Variants in KIAA2012 observed in about 807,000 individuals in gnomAD.
KIAA2012 encodes uncharacterized protein KIAA2012.
In KIAA2012, 125 loss-of-function variants were observed where a neutral mutation model predicts 150.6. That is an observed-to-expected ratio of 0.83 (90% CI 0.72 to 0.96). The LOEUF is 0.96. KIAA2012 is among the 40% of genes least tolerant of loss of function. The pLI is 0.00. For missense variants in KIAA2012, 1,219 were observed against 1,354.9 expected, an observed-to-expected ratio of 0.90 and a Z score of 1.57; for synonymous variants, 462 against 504.7, an observed-to-expected ratio of 0.92 and a Z score of 1.13.
At chr2:202,167,153 AACAG>A (rs1691785127) in intron 15 of KIAA2012, among the ~76,000 whole-genome samples, 1 of 151,790 alleles carries the variant, frequency 6.6e-6, no homozygotes, top group African/African-American at 2.4e-5. Context: ...TAGCCTGGGC[AACAG>A]AGTGAGACTC....
At chr2:202,191,543 T>A (rs1692327660) in intron 19 of KIAA2012, among the ~76,000 whole-genome samples, 1 of 122,744 alleles carries the variant, frequency 8.1e-6, no homozygotes, top group Non-Finnish European at 1.7e-5. Flanking sequence ...AGACTCTATC[T>A]ATCTCTAACC....
chr2:202,097,670 A>G, intron 5 of KIAA2012, 93 bp downstream of exon 5: 1 of 1,368,844 alleles, frequency 7.3e-7, no homozygotes, highest in Non-Finnish European at 9.9e-7. Context: ...GCTCACTGCA[A>G]CCTCCGCCTC....
intron 4 of KIAA2012, among the ~76,000 whole-genome samples, chr2:202,095,178 C>G (rs958132267): frequency 6.6e-6 from 1 of 152,108 alleles, no homozygotes; most frequent in South Asian, 2.1e-4. Context: ...TGCCCAATTG[C>G]CCATGATCAT....
intron 13 of KIAA2012, among the ~76,000 whole-genome samples, chr2:202,151,366 C>A (rs1691423992): frequency 6.6e-6 from 1 of 151,990 alleles, no homozygotes; most frequent in African/African-American, 2.4e-5. Context: ...CACTGCACTC[C>A]AGCCTGGGCA....
intron 2 of KIAA2012, among the ~76,000 whole-genome samples, chr2:202,078,100 T>C (rs968531066): frequency 6.6e-6 from 1 of 152,216 alleles, no homozygotes; most frequent in African/African-American, 2.4e-5. Flanking sequence ...TAATCAGATG[T>C]ATGTTCAAAG....
intron 16 of KIAA2012, among the ~76,000 whole-genome samples, chr2:202,186,174 C>G (rs1692223016): frequency 2.0e-5 from 3 of 152,160 alleles, no homozygotes; most frequent in Non-Finnish European, 4.4e-5. Flanking sequence ...AAAACCAACA[C>G]AGCACATGAC....
At chr2:202,123,538 A>C (rs1408335590) in intron 11 of KIAA2012, among the ~76,000 whole-genome samples, 1 of 152,144 alleles carries the variant, frequency 6.6e-6, no homozygotes, top group African/African-American at 2.4e-5. Context: ...ATCGGTGCGC[A>C]CGTGACCGTG....
chr2:202,123,326 T>G (rs543850883), intron 11 of KIAA2012, among the ~76,000 whole-genome samples: 71 of 152,194 alleles, frequency 4.7e-4, no homozygotes, highest in Non-Finnish European at 5.7e-4. Context: ...AAATTAACAT[T>G]CATTATGCAA....
At chr2:202,135,953 T>C in intron 12 of KIAA2012, 1 of 242,708 alleles carries the variant, frequency 4.1e-6, no homozygotes, top group South Asian at 4.2e-5. Context: ...TGAATGAAAA[T>C]GCTTTCAGGG....
chr2:202,140,247 C>T (rs79058237), intron 13 of KIAA2012, among the ~76,000 whole-genome samples: 13,819 of 152,160 alleles, frequency 0.091, 856 homozygotes, highest in South Asian at 0.24. Flanking sequence ...GAAAGAGGGG[C>T]TCAACCATGT....
At chr2:202,088,919 C>T (rs1689649254) in intron 2 of KIAA2012, among the ~76,000 whole-genome samples, 1 of 152,174 alleles carries the variant, frequency 6.6e-6, no homozygotes, top group Admixed American at 6.5e-5. Flanking sequence ...GGTTCCAGAG[C>T]TCACGCAAGA....
In KIAA2012 at chr2:202,138,507, A is replaced by G. The variant is rs1324707138; in HGVS notation, c.1907A>G (p.Gln636Arg). The G allele has an allele frequency of 4.5e-6, 7 of 1,548,540 alleles. No homozygotes were observed. Among genetic ancestry groups the G allele is most frequent in the Non-Finnish European group, 8.7e-7 (1 of 1,145,314 alleles). ...TSPLTQTTEK[Q>R]GAQQSLEAAA... ...CCGTTGACCCAAACAACAGAGAAGCAGGTATAGTATTGACTCTGAATGAGG... is the reference window on the plus strand; with the variant it reads ...CCGTTGACCCAAACAACAGAGAAGCGGGTATAGTATTGACTCTGAATGAGG... Residue 636 changes from glutamine to arginine, a missense_variant and splice_region_variant, in exon 13 of 24, where the codon CAG (glutamine) becomes CGG (arginine). Transcript: ENST00000498697.
intron 13 of KIAA2012, among the ~76,000 whole-genome samples, chr2:202,154,282 C>G (rs1290596229): frequency 6.6e-6 from 1 of 152,192 alleles, no homozygotes. Context: ...TAAAAAGGAG[C>G]CTTCAACAGA....
At chr2:202,105,620 C>T in intron 8 of KIAA2012, 141 bp from the exon 9 acceptor site, 1 of 1,123,006 alleles carries the variant, frequency 8.9e-7, no homozygotes, top group Non-Finnish European at 1.2e-6. Flanking sequence ...AGTTCCATAG[C>T]CCTCTCTGGA....
chr2:202,099,869 G>A, intron 6 of KIAA2012, 73 bp downstream of exon 6: 2 of 1,289,296 alleles, frequency 1.6e-6, no homozygotes, highest in Non-Finnish European at 1.1e-6. Context: ...GGACACTGAG[G>A]CATGCCAAAC....
chr2:202,188,351 T>G, intron 18 of KIAA2012, 85 bp downstream of exon 18: 6 of 1,046,926 alleles, frequency 5.7e-6, no homozygotes, highest in African/African-American at 1.6e-5. Flanking sequence ...GCATGGATCC[T>G]ACCGGACAAA....
At chr2:202,139,499 G>T (rs1386572538) in intron 13 of KIAA2012, among the ~76,000 whole-genome samples, 2 of 152,100 alleles carry the variant, frequency 1.3e-5, no homozygotes, top group East Asian at 3.9e-4. Flanking sequence ...TCTCCATTCT[G>T]TCCACCTTCC....
chr2:202,201,754 G>T (rs956295222), intron 22 of KIAA2012: 25 of 1,369,556 alleles, frequency 1.8e-5, no homozygotes, highest in Non-Finnish European at 2.5e-5. Context: ...GGATGATAGA[G>T]CTCTGAGTAG....
Position 202,193,408 on chromosome 2 carries a change from A to G in KIAA2012, c.2919A>G (p.Glu973=). 1 of 1,550,412 alleles carries G rather than the reference A, an allele frequency of 6.4e-7. No individual in the cohort carries two copies. The highest frequency in any genetic ancestry group is 8.7e-7 in the Non-Finnish European group (1 of 1,146,836). ...TGGAGAAGAAGAGAAGGGAGCAGGAAGAGCAAAGGCAGCTCCAGCAGGAGC... is the reference window on the plus strand; with the variant it reads ...TGGAGAAGAAGAGAAGGGAGCAGGAGGAGCAAAGGCAGCTCCAGCAGGAGC... ...LEVEKKRREQ[E]EQRQLQQEQL... Residue 973 remains glutamate, a synonymous_variant, in exon 20 of 24, where the codon GAA becomes GAG. Transcript: ENST00000498697.
Sources: gnomAD v4.1 joint callset for allele counts (sites outside exome capture counted in the v4.1 genomes callset) on GRCh38, gnomAD v4.1.1 for gene constraint, MANE v1.5 for transcripts, NCBI Gene and HGNC (gene_info 2026-07-23, HGNC 2026-07-21) for gene names.